FHIT: variants seen among roughly 807,000 people sequenced by gnomAD.
The protein encoded by FHIT is bis(5'-adenosyl)-triphosphatase.
Under a neutral mutation model 17.9 loss-of-function variants are expected in FHIT, and 19 were observed. That is an observed-to-expected ratio of 1.06 (90% CI 0.74 to 1.56). FHIT has a LOEUF of 1.56. Ranked by LOEUF, FHIT falls within the 40% of genes most tolerant of loss-of-function variation. FHIT has a pLI of 0.00. For missense variants in FHIT, 248 were observed against 189.2 expected, an observed-to-expected ratio of 1.31 and a Z score of -1.82; for synonymous variants, 81 against 69.7, an observed-to-expected ratio of 1.16 and a Z score of -0.81.
rs78103982 is a variant in FHIT at position 61,066,190 on chromosome 3, G to A, written c.-163-24091C>T. 5.7e-3 allele frequency among the ~76,000 whole-genome samples: 861 copies of A among 152,248 alleles called. 10 individuals carry two copies. The highest frequency in any genetic ancestry group is 0.02 in the African/African-American group (819 of 41,542). ...ATAATAATGACATTAATTTATTCAC[G>A]GGGGTAGATCCCCCATGCCCTAATC... On this transcript the variant is annotated intron_variant, in intron 2 of 9. Transcript: ENST00000492590.
chr3:60,928,118 T>C (rs1212214876), intron 3 of FHIT, among the ~76,000 whole-genome samples: 2 of 151,950 alleles, frequency 1.3e-5, no homozygotes, highest in African/African-American at 4.8e-5. Context: ...AGTATGCTCG[T>C]TAAGAGTCAT....
chr3:60,249,104 T>C (rs951489561), intron 5 of FHIT, among the ~76,000 whole-genome samples: 2 of 152,148 alleles, frequency 1.3e-5, no homozygotes, highest in Non-Finnish European at 2.9e-5. Flanking sequence ...TTAAGTATAT[T>C]TGCATGCTTT....
chr3:60,911,540 T>C (rs544594606), intron 3 of FHIT, among the ~76,000 whole-genome samples: 1 of 152,194 alleles, frequency 6.6e-6, no homozygotes, highest in South Asian at 2.1e-4. Flanking sequence ...ACCCAGATCA[T>C]TCATGGTATG....
intron 4 of FHIT, among the ~76,000 whole-genome samples, chr3:60,666,054 C>T (rs1390527901): frequency 6.6e-6 from 1 of 152,052 alleles, no homozygotes; most frequent in Non-Finnish European, 1.5e-5. Flanking sequence ...ATCTCTTGTC[C>T]TTCCCATTTT....
rs1700736549 is a variant in FHIT, at chr3:59,748,950, T to G, written c.*635A>C. 6.6e-6 allele frequency among the ~76,000 whole-genome samples: 1 copy of G among 152,182 alleles called. No individual in the cohort carries two copies. On this transcript the variant is annotated 3_prime_UTR_variant, in exon 10 of 10. Coordinates refer to ENST00000492590, the MANE Select transcript of FHIT (RefSeq NM_002012.4). Reference sequence around the variant, plus strand: ...CTGCCTCTGTGCATGTTGAGAATTGTGCAGTTTTGCAGAGTGAGCACCATG... The same window carrying G: ...CTGCCTCTGTGCATGTTGAGAATTGGGCAGTTTTGCAGAGTGAGCACCATG...
At chr3:60,186,130 A>C (rs1319618265) in intron 5 of FHIT, among the ~76,000 whole-genome samples, 1 of 151,894 alleles carries the variant, frequency 6.6e-6, no homozygotes, top group Non-Finnish European at 1.5e-5. Flanking sequence ...TGCATAGCTT[A>C]AGTTTTCATT....
intron 8 of FHIT, among the ~76,000 whole-genome samples, chr3:59,807,665 G>A (rs1354100046): frequency 3.9e-5 from 6 of 152,140 alleles, no homozygotes; most frequent in African/African-American, 9.7e-5. Flanking sequence ...GAAAAGGAAT[G>A]AGAAAAGGGG....
intron 5 of FHIT, among the ~76,000 whole-genome samples, chr3:60,269,670 T>A (rs1007556174): frequency 1.3e-4 from 20 of 152,228 alleles, no homozygotes; most frequent in African/African-American, 4.6e-4. Context: ...ATTTAAAATA[T>A]CCTAGCATTG....
At chr3:60,798,436 C>T (rs951266872) in intron 4 of FHIT, among the ~76,000 whole-genome samples, 4 of 152,164 alleles carry the variant, frequency 2.6e-5, no homozygotes, top group Admixed American at 2.0e-4. Context: ...TTTTCAATCA[C>T]GTAAAAACTA....
intron 5 of FHIT, among the ~76,000 whole-genome samples, chr3:60,019,974 T>C (rs1052005949): frequency 1.9e-4 from 29 of 152,134 alleles, no homozygotes; most frequent in Non-Finnish European, 2.9e-4. Context: ...TTAACCAAAG[T>C]GTCCCCAAAT....
chr3:61,168,114 A>T lies in FHIT; in HGVS notation c.-164+32503T>A, dbSNP rs191591363. Among the ~76,000 whole-genome samples the T allele has an allele frequency of 1.0e-3, 159 of 152,326 alleles. 1 individual carries two copies. The highest frequency in any genetic ancestry group is 2.3e-3 in the South Asian group (11 of 4,824). ...AAAAGCACTGAAAAAATTCAAAAGA[A>T]TTATGTTTCATGACACATGAAAGTT... is the stretch of plus-strand genomic sequence containing the variant. On this transcript the variant is annotated intron_variant, in intron 2 of 9. Transcript: ENST00000492590.
At chr3:61,174,488 G>A (rs543635374) in intron 2 of FHIT, among the ~76,000 whole-genome samples, 16 of 152,282 alleles carry the variant, frequency 1.1e-4, no homozygotes, top group African/African-American at 2.9e-4. Flanking sequence ...GTTCATCTGC[G>A]TTGGCAAATT....
intron 5 of FHIT, among the ~76,000 whole-genome samples, chr3:60,250,610 T>C (rs1227544158): frequency 6.6e-6 from 1 of 152,186 alleles, no homozygotes; most frequent in African/African-American, 2.4e-5. Flanking sequence ...TGAATTACAG[T>C]GGCATTTAAG....
At chr3:61,147,793 C>T (rs979709637) in intron 2 of FHIT, among the ~76,000 whole-genome samples, 1 of 151,934 alleles carries the variant, frequency 6.6e-6, no homozygotes, top group Non-Finnish European at 1.5e-5. Context: ...ATCATGGCAA[C>T]TTATTCATTT....
chr3:60,230,064 G>A (rs1312962264), intron 5 of FHIT, among the ~76,000 whole-genome samples: 1 of 152,112 alleles, frequency 6.6e-6, no homozygotes, highest in Non-Finnish European at 1.5e-5. Flanking sequence ...TTCAAATCTC[G>A]TTGTTCAATA....
At chr3:61,058,230 T>A (rs1195847905) in intron 2 of FHIT, among the ~76,000 whole-genome samples, 2 of 152,194 alleles carry the variant, frequency 1.3e-5, no homozygotes, top group Admixed American at 1.3e-4. Context: ...TCTCCACATA[T>A]GGCACAACAA....
chr3:61,072,823 A>G (rs1260962030), intron 2 of FHIT, among the ~76,000 whole-genome samples: 2 of 152,222 alleles, frequency 1.3e-5, no homozygotes, highest in African/African-American at 4.8e-5. Flanking sequence ...AATAAAAAAA[A>G]GTCTTTTCTT....
At chr3:59,948,870 G>T (rs114215167) in intron 7 of FHIT, among the ~76,000 whole-genome samples, 4 of 151,538 alleles carry the variant, frequency 2.6e-5, no homozygotes, top group Admixed American at 2.0e-4. Flanking sequence ...GAATACTATA[G>T]ACTTTTTTTC....
intron 5 of FHIT, among the ~76,000 whole-genome samples, chr3:60,040,564 T>C (rs1701396215): frequency 1.3e-5 from 2 of 152,180 alleles, no homozygotes; most frequent in Admixed American, 6.5e-5. Flanking sequence ...CACTTACCTT[T>C]TCTCTATTCC....
Sources: allele counts gnomAD v4.1 joint callset (sites outside exome capture counted in the v4.1 genomes callset), GRCh38; gene constraint gnomAD v4.1.1; transcripts MANE v1.5; gene names NCBI Gene and HGNC (gene_info 2026-07-23, HGNC 2026-07-21).